The following XKR4 variants were observed in gnomAD, a reference collection of about 807,000 sequenced individuals.
The protein encoded by XKR4 is XK-related protein 4.
XKR4 carries 12 observed loss-of-function variants against 53.9 expected under a neutral mutation model. The ratio of observed to expected loss-of-function variants is 0.22; its 90% CI spans 0.14 to 0.36. The LOEUF is 0.36. Among genes scored for constraint, XKR4 ranks in the 10% least tolerant of loss-of-function variants. The pLI, the probability that XKR4 is intolerant of heterozygous loss-of-function variation, is 1.00. For missense variants in XKR4, 799 were observed against 859.5 expected (o/e 0.93, Z 0.88); for synonymous variants, 354 against 362.4 (o/e 0.98, Z 0.26).
At chr8:55,117,447 A>G (rs1752659157) in intron 1 of XKR4, among the ~76,000 whole-genome samples, 1 of 152,228 alleles carries the variant, frequency 6.6e-6, no homozygotes, top group South Asian at 2.1e-4. Context: ...CTTAAGGCCG[A>G]GCAACATGCT....
intron 1 of XKR4, among the ~76,000 whole-genome samples, chr8:55,112,942 T>C (rs1380930502): frequency 6.6e-6 from 1 of 152,146 alleles, no homozygotes; most frequent in African/African-American, 2.4e-5. Context: ...GTTTTGTATT[T>C]CCAGGAAATC....
chr8:55,221,755 G>T (rs558421380), intron 1 of XKR4, among the ~76,000 whole-genome samples: 1 of 152,114 alleles, frequency 6.6e-6, no homozygotes, highest in Non-Finnish European at 1.5e-5. Flanking sequence ...GGACTCGCTC[G>T]CTGTCTTACA....
intron 2 of XKR4, among the ~76,000 whole-genome samples, chr8:55,487,625 C>T (rs1243772236): frequency 4.6e-5 from 7 of 152,094 alleles, no homozygotes; most frequent in African/African-American, 7.2e-5. Context: ...CATCACCATG[C>T]CCAGATAACT....
At chr8:55,401,477 G>C (rs75642965) in intron 2 of XKR4, among the ~76,000 whole-genome samples, 3,413 of 152,354 alleles carry the variant, frequency 0.022, 56 homozygotes, top group Middle Eastern at 0.044. Context: ...TCCAGCCGGT[G>C]GCTAGTGGAC....
intron 2 of XKR4, among the ~76,000 whole-genome samples, chr8:55,479,839 A>G (rs1233820435): frequency 6.6e-6 from 1 of 152,148 alleles, no homozygotes; most frequent in Non-Finnish European, 1.5e-5. Context: ...CTCTCCCAAG[A>G]CTAAACCAAG....
intron 1 of XKR4, among the ~76,000 whole-genome samples, chr8:55,252,892 C>G (rs1818379762): frequency 6.6e-6 from 1 of 152,106 alleles, no homozygotes; most frequent in Middle Eastern, 3.2e-3. Flanking sequence ...AGAGTACAGA[C>G]CAAATGAGAT....
chr8:55,289,559 AGGAAGGAAGGAG>A (rs1563316314), intron 1 of XKR4, among the ~76,000 whole-genome samples: 1 of 107,068 alleles, frequency 9.3e-6, no homozygotes, highest in Non-Finnish European at 2.0e-5. Context: ...GAAGGAAGGA[AGGAAGGAAGGAG>A]AGAGAAAGGA....
chr8:55,250,517 C>T (rs1818349243), intron 1 of XKR4, among the ~76,000 whole-genome samples: 1 of 152,184 alleles, frequency 6.6e-6, no homozygotes, highest in Non-Finnish European at 1.5e-5. Context: ...GCTGTGTTCC[C>T]TAACTCCTAC....
intron 2 of XKR4, among the ~76,000 whole-genome samples, chr8:55,422,485 G>C (rs1348892047): frequency 6.6e-6 from 1 of 152,188 alleles, no homozygotes; most frequent in Non-Finnish European, 1.5e-5. Context: ...GATGAATATT[G>C]CAACATGTAC....
chr8:55,338,432 T>A (rs754105620), intron 1 of XKR4, among the ~76,000 whole-genome samples: 2 of 152,118 alleles, frequency 1.3e-5, no homozygotes, highest in Non-Finnish European at 2.9e-5. Flanking sequence ...CAGGGTGCAA[T>A]GGCAAGCTGG....
intron 1 of XKR4, among the ~76,000 whole-genome samples, chr8:55,132,815 G>A (rs1816576910): frequency 6.6e-6 from 1 of 152,176 alleles, no homozygotes; most frequent in Admixed American, 6.5e-5. Flanking sequence ...TCTACTAAAA[G>A]GAATGGGCGT....
At chr8:55,359,128 G>A (rs16921659) in intron 2 of XKR4, among the ~76,000 whole-genome samples, 11,794 of 152,308 alleles carry the variant, frequency 0.077, 1,205 homozygotes, top group African/African-American at 0.24. Context: ...GCAAATTGGA[G>A]GAAGAGGAAA....
intron 1 of XKR4, among the ~76,000 whole-genome samples, chr8:55,200,457 T>A (rs1369483989): frequency 6.6e-6 from 1 of 152,222 alleles, no homozygotes; most frequent in Non-Finnish European, 1.5e-5. Flanking sequence ...TATTCAGAAC[T>A]TTTGGTGGAT....
rs374776347 is a variant in XKR4 at position 55,302,637 on chromosome 8, G to A, written c.807-55041G>A. Among the ~76,000 whole-genome samples the A allele has an allele frequency of 3.3e-5, 5 of 152,136 alleles. No individual in the cohort carries two copies. The East Asian group carries it at 5.8e-4, about 18-fold the overall frequency. On this transcript the variant is annotated intron_variant, in intron 1 of 2. Transcript: ENST00000327381. ...TTCTTCCTACCCATGAGCATGGAAT[G>A]TTCTTCCATTTGTTTGTATCCTCTT...
chr8:55,165,363 TA>T (rs973244704), intron 1 of XKR4, among the ~76,000 whole-genome samples: 2 of 152,140 alleles, frequency 1.3e-5, no homozygotes, highest in African/African-American at 4.8e-5. Flanking sequence ...ATGACAATTA[TA>T]GCTTTTTAAT....
intron 1 of XKR4, among the ~76,000 whole-genome samples, chr8:55,206,180 T>C (rs1022838670): frequency 2.0e-5 from 3 of 152,158 alleles, no homozygotes; most frequent in African/African-American, 4.8e-5. Context: ...GAACAAACCT[T>C]CCACACCATG....
intron 2 of XKR4, among the ~76,000 whole-genome samples, chr8:55,476,481 C>T (rs145904391): frequency 0.016 from 2,463 of 152,212 alleles, 80 homozygotes; most frequent in African/African-American, 0.056. Flanking sequence ...CCAGCGTGAG[C>T]GACACAGAAG....
intron 1 of XKR4, among the ~76,000 whole-genome samples, chr8:55,125,216 C>A (rs1816447603): frequency 6.6e-6 from 1 of 152,020 alleles, no homozygotes; most frequent in Non-Finnish European, 1.5e-5. Flanking sequence ...TATTAACTTG[C>A]TGGTTTTTCT....
chr8:55,304,462 A>C (rs1819260956), intron 1 of XKR4, among the ~76,000 whole-genome samples: 1 of 152,170 alleles, frequency 6.6e-6, no homozygotes, highest in African/African-American at 2.4e-5. Context: ...GCTGAGAAGA[A>C]TGTATATTCT....
Sources: allele counts gnomAD v4.1 joint callset (sites outside exome capture counted in the v4.1 genomes callset), GRCh38; gene constraint gnomAD v4.1.1; transcripts MANE v1.5; gene names NCBI Gene and HGNC (gene_info 2026-07-23, HGNC 2026-07-21).